ABLIM3: variants seen among roughly 807,000 people sequenced by gnomAD.
ABLIM3 encodes the protein actin-binding LIM protein 3.
ABLIM3 carries 61 observed loss-of-function variants against 109.5 expected under a neutral mutation model. That is an observed-to-expected ratio of 0.56 (90% confidence interval 0.45 to 0.69). The LOEUF is 0.69. ABLIM3 is among the 30% of genes least tolerant of loss of function. The pLI, the probability that ABLIM3 is intolerant of heterozygous loss-of-function variation, is 0.00. For synonymous variants in ABLIM3, 300 were observed against 324.8 expected (o/e 0.92, Z 0.82); for missense variants, 796 against 889.5 (o/e 0.89, Z 1.34).
rs1209019884 is a variant in ABLIM3, at chr5:149,259,877, A to G, written c.*1473A>G. On this transcript the variant is annotated 3_prime_UTR_variant, in exon 24 of 24. Coordinates refer to ENST00000309868, the MANE Select transcript of ABLIM3 (RefSeq NM_014945.5). ...ACTGACTTAAATTGAACAAACCCTCACTGAGCACCTCTGATGTTGAGCACC... is the reference window on the plus strand; with the variant it reads ...ACTGACTTAAATTGAACAAACCCTCGCTGAGCACCTCTGATGTTGAGCACC... 2.4e-6 allele frequency: 1 copy of G among 412,564 alleles called. No individual in the cohort carries two copies. The highest frequency in any genetic ancestry group is 4.5e-6 in the Non-Finnish European group (1 of 222,702). The allele number at this position is 412,564 out of a possible 1,614,324, so 25.6% of individuals were successfully genotyped here.
intron 9 of ABLIM3, among the ~76,000 whole-genome samples, chr5:149,231,725 T>C (rs1761879796): frequency 6.6e-6 from 1 of 152,216 alleles, no homozygotes; most frequent in African/African-American, 2.4e-5. Context: ...TCCCCTTTGG[T>C]GGCATTTCCC....
chr5:149,208,450 G>T (rs980119339), intron 6 of ABLIM3, among the ~76,000 whole-genome samples: 3 of 148,642 alleles, frequency 2.0e-5, no homozygotes, highest in Non-Finnish European at 3.0e-5. Context: ...CTCTGTCCCT[G>T]TCTTTCTCTG....
At chr5:149,233,370 G>A (rs889479003) in intron 10 of ABLIM3, 70 bp downstream of exon 10, 2 of 1,486,708 alleles carry the variant, frequency 1.3e-6, no homozygotes, top group Non-Finnish European at 1.9e-6. Flanking sequence ...AGTCACTAAG[G>A]ATAAGGGAGC....
intron 13 of ABLIM3, 144 bp downstream of exon 13, chr5:149,240,032 A>G (rs1341606697): frequency 4.2e-6 from 5 of 1,191,722 alleles, no homozygotes; most frequent in Admixed American, 3.5e-5. Flanking sequence ...CACCCAGGTG[A>G]CCAGCTGGGC....
At chr5:149,188,597 C>G (rs564126841) in intron 3 of ABLIM3, among the ~76,000 whole-genome samples, 4 of 152,168 alleles carry the variant, frequency 2.6e-5, no homozygotes, top group Non-Finnish European at 4.4e-5. Context: ...GCTGCGTCTT[C>G]GCATGGCAGA....
intron 10 of ABLIM3, among the ~76,000 whole-genome samples, chr5:149,235,575 T>C (rs904765659): frequency 1.2e-4 from 18 of 152,300 alleles, no homozygotes; most frequent in African/African-American, 4.3e-4. Flanking sequence ...TTTAGTGTTT[T>C]TGAGGTTTGG....
intron 17 of ABLIM3, among the ~76,000 whole-genome samples, chr5:149,247,024 C>T (rs1753446212): frequency 6.6e-6 from 1 of 152,122 alleles, no homozygotes; most frequent in Non-Finnish European, 1.5e-5. Flanking sequence ...GCACTATTCA[C>T]GAAAGCTAAA....
intron 23 of ABLIM3, among the ~76,000 whole-genome samples, chr5:149,254,147 T>A (rs1387690401): frequency 6.6e-6 from 1 of 152,136 alleles, no homozygotes; most frequent in African/African-American, 2.4e-5. Flanking sequence ...ATTATTACAA[T>A]TCAGGGTGAG....
At chr5:149,223,547 CA>C (rs1760877126) in intron 8 of ABLIM3, among the ~76,000 whole-genome samples, 1 of 152,162 alleles carries the variant, frequency 6.6e-6, no homozygotes, top group Admixed American at 6.5e-5. Flanking sequence ...CTAGGAGCAG[CA>C]CAGCTGGGTC....
At chr5:149,166,668 T>C (rs1456292112) in intron 2 of ABLIM3, among the ~76,000 whole-genome samples, 1 of 152,222 alleles carries the variant, frequency 6.6e-6, no homozygotes, top group Non-Finnish European at 1.5e-5. Flanking sequence ...TAAGAAGTCA[T>C]TTGACATCAG....
At chr5:149,199,032 A>T (rs561055401) in intron 4 of ABLIM3, 2 of 456,458 alleles carry the variant, frequency 4.4e-6, no homozygotes, top group Admixed American at 4.7e-5. Flanking sequence ...ATAGTCATCT[A>T]TCTTCTCTCA....
chr5:149,197,573 G>C (rs1167302931), intron 3 of ABLIM3, among the ~76,000 whole-genome samples: 1 of 152,020 alleles, frequency 6.6e-6, no homozygotes, highest in Non-Finnish European at 1.5e-5. Flanking sequence ...ACTCCTTATG[G>C]CTATGGTGAG....
In ABLIM3 at chr5:149,191,565, A is replaced by G. The variant is rs1581092029; in HGVS notation, c.152-6654A>G. Among the ~76,000 whole-genome samples the G allele has an allele frequency of 2.0e-5, 3 of 152,236 alleles. 1 individual carries two copies. The highest frequency in any genetic ancestry group is 4.4e-5 in the Non-Finnish European group (3 of 68,028). On this transcript the variant is annotated intron_variant, in intron 3 of 23. Coordinates refer to ENST00000309868, the MANE Select transcript of ABLIM3 (RefSeq NM_014945.5). ...GAGAAAAGGGTACACTTCCTAACTC[A>G]TTTGAGCCAGCACAATACCAAACAA...
At chr5:149,223,829 C>A (rs1456647343) in intron 8 of ABLIM3, among the ~76,000 whole-genome samples, 1 of 152,198 alleles carries the variant, frequency 6.6e-6, no homozygotes, top group Non-Finnish European at 1.5e-5. Context: ...TAACCCCCAA[C>A]TTCCCATCTG....
At chr5:149,153,773 A>G (rs1580993755) in intron 2 of ABLIM3, among the ~76,000 whole-genome samples, 1 of 152,284 alleles carries the variant, frequency 6.6e-6, no homozygotes, top group East Asian at 1.9e-4. Context: ...GTGATTTCAG[A>G]TTAGGTTTCA....
intron 2 of ABLIM3, among the ~76,000 whole-genome samples, chr5:149,144,393 G>A (rs1752739496): frequency 6.6e-6 from 1 of 152,178 alleles, no homozygotes; most frequent in South Asian, 2.1e-4. Context: ...AAGAAAAGGA[G>A]TAACAGAGCC....
At chr5:149,193,485 A>G (rs1351398485) in intron 3 of ABLIM3, among the ~76,000 whole-genome samples, 1 of 152,086 alleles carries the variant, frequency 6.6e-6, no homozygotes, top group Admixed American at 6.5e-5. Context: ...TAATTTTTTA[A>G]TATGCTAAAT....
chr5:149,190,110 G>A (rs1260781585), intron 3 of ABLIM3, among the ~76,000 whole-genome samples: 1 of 152,114 alleles, frequency 6.6e-6, no homozygotes, highest in African/African-American at 2.4e-5. Flanking sequence ...GTCACAAAAG[G>A]CTACACATTG....
chr5:149,162,211 T>C (rs73798005), intron 2 of ABLIM3, among the ~76,000 whole-genome samples: 145 of 152,322 alleles, frequency 9.5e-4, no homozygotes, highest in African/African-American at 3.2e-3. Context: ...TTTATTACTT[T>C]TGGTTGCTGG....
Sources: gnomAD v4.1 joint callset for allele counts (sites outside exome capture counted in the v4.1 genomes callset) on GRCh38, gnomAD v4.1.1 for gene constraint, MANE v1.5 for transcripts, NCBI Gene and HGNC (gene_info 2026-07-23, HGNC 2026-07-21) for gene names.